The following MTHFD2L variants were observed in gnomAD, a reference collection of about 807,000 sequenced individuals.
MTHFD2L encodes bifunctional methylenetetrahydrofolate dehydrogenase/cyclohydrolase 2, mitochondrial.
In MTHFD2L, 29 loss-of-function variants were observed where a neutral mutation model predicts 34.9. The ratio of observed to expected loss-of-function variants is 0.83; its 90% CI spans 0.62 to 1.13. The LOEUF (loss-of-function observed/expected upper bound fraction) is 1.13. Ranked by LOEUF, MTHFD2L falls within the 50% of genes most tolerant of loss-of-function variation. The pLI is 0.00. For missense variants in MTHFD2L, 481 were observed against 446.5 expected (o/e 1.08, Z -0.70); for synonymous variants, 167 against 155.7 (o/e 1.07, Z -0.54).
At chr4:74,239,742 G>T (rs1741426695) in intron 6 of MTHFD2L, among the ~76,000 whole-genome samples, 1 of 152,170 alleles carries the variant, frequency 6.6e-6, no homozygotes, top group Non-Finnish European at 1.5e-5. Flanking sequence ...GTGCCTTTCA[G>T]ATGAAGATAA....
intron 7 of MTHFD2L, among the ~76,000 whole-genome samples, chr4:74,298,228 C>A (rs1442764892): frequency 1.3e-5 from 2 of 151,966 alleles, no homozygotes; most frequent in African/African-American, 4.8e-5. Flanking sequence ...ATATTATAAT[C>A]TTCTGCCTCG....
At chr4:74,178,905 C>T (rs371956863) in intron 3 of MTHFD2L, among the ~76,000 whole-genome samples, 6 of 151,862 alleles carry the variant, frequency 4.0e-5, no homozygotes, top group East Asian at 1.9e-4. Context: ...GATTTGAATC[C>T]GGGCAGACTG....
chr4:74,244,226 C>T (rs1474753120), intron 6 of MTHFD2L, among the ~76,000 whole-genome samples: 1 of 152,102 alleles, frequency 6.6e-6, no homozygotes, highest in East Asian at 1.9e-4. Flanking sequence ...TCTTTCCAGT[C>T]TTCTGGGAAG....
At chr4:74,138,582 C>T (rs1252654746) in intron 1 of MTHFD2L, among the ~76,000 whole-genome samples, 1 of 152,092 alleles carries the variant, frequency 6.6e-6, no homozygotes, top group Non-Finnish European at 1.5e-5. Flanking sequence ...GCCTTTAGCC[C>T]GATCCAGAGC....
intron 6 of MTHFD2L, among the ~76,000 whole-genome samples, chr4:74,233,116 A>G (rs565020697): frequency 6.6e-6 from 1 of 152,334 alleles, no homozygotes; most frequent in South Asian, 2.1e-4. Flanking sequence ...ATATTAAAGC[A>G]TATTTCATAC....
chr4:74,133,426 C>T (rs1722692810), intron 1 of MTHFD2L, among the ~76,000 whole-genome samples: 1 of 152,128 alleles, frequency 6.6e-6, no homozygotes, highest in Non-Finnish European at 1.5e-5. Context: ...GCTCAGCTCC[C>T]CCTTAAACAC....
intron 6 of MTHFD2L, among the ~76,000 whole-genome samples, chr4:74,244,782 T>G (rs949330925): frequency 1.3e-4 from 20 of 152,180 alleles, no homozygotes; most frequent in Admixed American, 9.8e-4. Context: ...CTATCACTTG[T>G]CAAGTTTTGG....
chr4:74,283,587 G>A (rs1350116463), intron 7 of MTHFD2L, among the ~76,000 whole-genome samples: 2 of 152,058 alleles, frequency 1.3e-5, no homozygotes, highest in Admixed American at 1.3e-4. Flanking sequence ...TATATTAGTG[G>A]CTCCATTCAG....
intron 6 of MTHFD2L, among the ~76,000 whole-genome samples, chr4:74,279,055 T>A (rs927142775): frequency 6.6e-6 from 1 of 152,232 alleles, no homozygotes; most frequent in South Asian, 2.1e-4. Flanking sequence ...TAAAATTTGA[T>A]GCTGTAATTA....
intron 5 of MTHFD2L, among the ~76,000 whole-genome samples, chr4:74,213,593 G>T (rs750294781): frequency 1.3e-5 from 2 of 152,068 alleles, no homozygotes; most frequent in Non-Finnish European, 2.9e-5. Context: ...GCTTCCCTTT[G>T]TGCCTTTGTG....
At chr4:74,180,314 A>G (rs186680981) in intron 3 of MTHFD2L, among the ~76,000 whole-genome samples, 1 of 152,286 alleles carries the variant, frequency 6.6e-6, no homozygotes, top group Non-Finnish European at 1.5e-5. Context: ...TCCTATGTAT[A>G]TCTCATAAGA....
intron 1 of MTHFD2L, chr4:74,165,024 TAA>T: frequency 2.0e-6 from 2 of 984,256 alleles, no homozygotes; most frequent in Non-Finnish European, 2.4e-6. Context: ...TGATATGCAT[TAA>T]TGGCAAGGTC....
At chr4:74,272,131 T>C (rs917397642) in intron 6 of MTHFD2L, among the ~76,000 whole-genome samples, 1 of 152,146 alleles carries the variant, frequency 6.6e-6, no homozygotes, top group African/African-American at 2.4e-5. Context: ...AAACTAGCTA[T>C]GAATAGGGCA....
intron 1 of MTHFD2L, chr4:74,162,153 C>A (rs146202262): frequency 6.6e-6 from 1 of 152,142 alleles, no homozygotes; most frequent in Non-Finnish European, 1.5e-5. Context: ...GCCAGCTGCT[C>A]CACTTAATGT....
At chr4:74,250,098 C>T (rs1368769092) in intron 6 of MTHFD2L, among the ~76,000 whole-genome samples, 2 of 152,074 alleles carry the variant, frequency 1.3e-5, no homozygotes, top group African/African-American at 2.4e-5. Flanking sequence ...CCATTCTCCC[C>T]GTCACTTTCA....
chr4:74,281,323 A>G (rs879000528), intron 6 of MTHFD2L, 102 bp from the exon 7 acceptor site: 1 of 692,400 alleles, frequency 1.4e-6, no homozygotes, highest in Non-Finnish European at 2.0e-6. Context: ...TATTACACAT[A>G]CGTGTGTGTG....
chr4:74,148,658 T>C (rs1360704186), intron 1 of MTHFD2L, among the ~76,000 whole-genome samples: 1 of 146,828 alleles, frequency 6.8e-6, no homozygotes, highest in South Asian at 2.2e-4. Flanking sequence ...TAATATTCCA[T>C]ATGAATTTTA....
At chr4:74,134,062 C>A (rs1291875579) in intron 1 of MTHFD2L, among the ~76,000 whole-genome samples, 1 of 152,162 alleles carries the variant, frequency 6.6e-6, no homozygotes, top group African/African-American at 2.4e-5. Context: ...CTCATGGTTT[C>A]TGCACTGAAA....
intron 6 of MTHFD2L, among the ~76,000 whole-genome samples, chr4:74,235,260 C>A (rs1408606519): frequency 6.6e-6 from 1 of 152,034 alleles, no homozygotes; most frequent in African/African-American, 2.4e-5. Flanking sequence ...CTGGAAGTAG[C>A]ATTGATGTAG....
Sources: gnomAD v4.1 joint callset for allele counts (sites outside exome capture counted in the v4.1 genomes callset) on GRCh38, gnomAD v4.1.1 for gene constraint, MANE v1.5 for transcripts, NCBI Gene and HGNC (gene_info 2026-07-23, HGNC 2026-07-21) for gene names.